PPP1R12B: variants seen among roughly 807,000 people sequenced by gnomAD.
The protein encoded by PPP1R12B is protein phosphatase 1 regulatory subunit 12B, also known as myosin phosphatase target subunit 2.
PPP1R12B carries 76 observed loss-of-function variants against 126.1 expected under a neutral mutation model. The ratio of observed to expected loss-of-function variants is 0.60; its 90% CI spans 0.50 to 0.73. The LOEUF (loss-of-function observed/expected upper bound fraction) is 0.73, where lower values mean the gene tolerates loss of function less well. Among genes scored for constraint, PPP1R12B ranks in the 30% least tolerant of loss-of-function variants. The pLI is 0.00. For missense variants in PPP1R12B, 1,052 were observed against 1,205.1 expected (o/e 0.87, Z 1.88); for synonymous variants, 356 against 434.7 (o/e 0.82, Z 2.25).
intron 18 of PPP1R12B, among the ~76,000 whole-genome samples, chr1:202,525,573 G>A (rs1683230774): frequency 6.6e-6 from 1 of 150,428 alleles, no homozygotes; most frequent in African/African-American, 2.4e-5. Context: ...ATTGAGAAGA[G>A]AGGAATTGAA....
chr1:202,478,538 A>C (rs989150778), intron 13 of PPP1R12B, among the ~76,000 whole-genome samples: 1 of 151,684 alleles, frequency 6.6e-6, no homozygotes, highest in African/African-American at 2.4e-5. Flanking sequence ...AAATAGTAAA[A>C]CTCTCATATA....
rs1686051320 is a variant in PPP1R12B, at chr1:202,549,287, C to A, written c.2491-9590C>A. Among the ~76,000 whole-genome samples the A allele has an allele frequency of 5.9e-5, 9 of 152,170 alleles. No homozygotes were observed. In the South Asian group the frequency reaches 1.9e-3, roughly 31 times the overall value. ...TTCAGACTTCAAGCTGATGTATCCA[C>A]TAAGCTTGTTCCTTCCATTATCACC... On this transcript the variant is annotated intron_variant, in intron 18 of 23. Coordinates refer to ENST00000608999, the MANE Select transcript of PPP1R12B (RefSeq NM_002481.4).
rs1245368017 is a variant in PPP1R12B, at chr1:202,583,563, CCA to C, written c.*3004_*3005del. 6.6e-6 allele frequency: 1 copy of C among 152,188 alleles called. No homozygotes were observed. Among genetic ancestry groups the C allele is most frequent in the Non-Finnish European group, 1.5e-5 (1 of 68,032 alleles). The allele number at this position is 152,188 out of a possible 1,614,324, so 9.4% of individuals were successfully genotyped here. ...TTATTAACTGATTTCTGGTCTATCT[CCA>C]GAGATAAAATACCATTCCTTCACAA... On this transcript the variant is annotated 3_prime_UTR_variant, in exon 24 of 24. Coordinates refer to ENST00000608999, the MANE Select transcript of PPP1R12B (RefSeq NM_002481.4).
chr1:202,492,575 T>C (rs1048119365), intron 14 of PPP1R12B, among the ~76,000 whole-genome samples: 1 of 152,220 alleles, frequency 6.6e-6, no homozygotes, highest in Non-Finnish European at 1.5e-5. Flanking sequence ...TGTTGGAATA[T>C]CCCTATATGA....
chr1:202,540,220 C>T (rs1684971268), intron 18 of PPP1R12B: 1 of 1,608,452 alleles, frequency 6.2e-7, no homozygotes, highest in Non-Finnish European at 8.5e-7. Flanking sequence ...CATCTCCCTC[C>T]CCGACTGCCA....
rs1221983722 is a variant in PPP1R12B, at chr1:202,587,697, T to C, written c.*7137T>C. ...GAGTTGAGAGTCGGAGTGCCAGTCGTCGGGGCCCACTATTCCTGAATAAGG... is the reference window on the plus strand; with the variant it reads ...GAGTTGAGAGTCGGAGTGCCAGTCGCCGGGGCCCACTATTCCTGAATAAGG... On this transcript the variant is annotated 3_prime_UTR_variant, in exon 24 of 24. Transcript: ENST00000608999. 2 of 152,090 alleles carry C rather than the reference T, an allele frequency of 1.3e-5. No homozygotes were observed. The allele number at this position is 152,090 out of a possible 1,614,324, so 9.4% of individuals were successfully genotyped here.
At chr1:202,480,300 A>G (rs1240007189) in intron 13 of PPP1R12B, among the ~76,000 whole-genome samples, 1 of 152,228 alleles carries the variant, frequency 6.6e-6, no homozygotes, top group Non-Finnish European at 1.5e-5. Flanking sequence ...GAAAGATTGG[A>G]CAGTAGAAAA....
At chr1:202,552,108 G>A (rs1284899062) in intron 18 of PPP1R12B, among the ~76,000 whole-genome samples, 1 of 152,182 alleles carries the variant, frequency 6.6e-6, no homozygotes, top group Non-Finnish European at 1.5e-5. Context: ...GGCAGCAATA[G>A]AAAACTAATG....
At chr1:202,520,966 C>T (rs1191477467) in intron 18 of PPP1R12B, among the ~76,000 whole-genome samples, 1 of 152,076 alleles carries the variant, frequency 6.6e-6, no homozygotes, top group Non-Finnish European at 1.5e-5. Context: ...ATGATCCTGT[C>T]TGTGCATGAA....
chr1:202,460,968 A>G lies in PPP1R12B; in HGVS notation c.1850+11797A>G, dbSNP rs188984343. Among the ~76,000 whole-genome samples the G allele has an allele frequency of 1.4e-3, 208 of 152,294 alleles. 1 individual carries two copies. Among genetic ancestry groups the G allele is most frequent in the Non-Finnish European group, 2.4e-3 (161 of 68,026 alleles). ...TTTCAGAATATGTCTCTTTGAAATA[A>G]TAGTGATGATATGTTGCTGCCTGAG... On this transcript the variant is annotated intron_variant, in intron 13 of 23. Transcript: ENST00000608999.
rs56752885 is a variant in PPP1R12B, at chr1:202,555,325, GAAAAAAAAAA to G, written c.2491-3533_2491-3524del. Among the ~76,000 whole-genome samples the G allele has an allele frequency of 4.2e-3, 106 of 25,366 alleles. 2 individuals are homozygous for G. The highest frequency in any genetic ancestry group is 5.4e-3 in the Non-Finnish European group (82 of 15,306). 16.6% of individuals were successfully genotyped at this position (25,366 alleles called of 152,430 possible). ...AAAACCCTAATTTTCCTGTTTTAAT[GAAAAAAAAAA>G]AAAAAAAAAAAAAAAAAAGCTTGTT... On this transcript the variant is annotated intron_variant, in intron 18 of 23. Coordinates refer to ENST00000608999, the MANE Select transcript of PPP1R12B (RefSeq NM_002481.4).
intron 13 of PPP1R12B, among the ~76,000 whole-genome samples, chr1:202,452,500 G>A (rs1361689865): frequency 6.6e-6 from 1 of 152,112 alleles, no homozygotes; most frequent in Non-Finnish European, 1.5e-5. Flanking sequence ...GATGGCAGCA[G>A]TACAGTCCAG....
At chr1:202,569,038 C>A in intron 22 of PPP1R12B, 109 bp from the exon 23 acceptor site, 1 of 1,231,902 alleles carries the variant, frequency 8.1e-7, no homozygotes, top group Non-Finnish European at 1.2e-6. Flanking sequence ...CCTGAGTCAG[C>A]AGACAAACCT....
chr1:202,421,396 G>A (rs550823006), intron 2 of PPP1R12B, among the ~76,000 whole-genome samples: 2 of 151,378 alleles, frequency 1.3e-5, no homozygotes, highest in South Asian at 4.2e-4. Flanking sequence ...CAGCACTTTG[G>A]GAGGCCGAGG....
At chr1:202,420,428 GGA>G (rs1260406587) in intron 2 of PPP1R12B, among the ~76,000 whole-genome samples, 1 of 152,214 alleles carries the variant, frequency 6.6e-6, no homozygotes, top group Non-Finnish European at 1.5e-5. Flanking sequence ...AAAATAGAAG[GGA>G]GAGTGTTCCA....
At position 202,523,287 on chromosome 1, in the gene PPP1R12B, T is replaced by C. The variant is rs565645405; in HGVS notation, c.2490+26465T>C. 4.6e-5 allele frequency among the ~76,000 whole-genome samples: 7 copies of C among 152,176 alleles called. No individual in the cohort carries two copies. In the East Asian group the frequency reaches 1.2e-3, roughly 25 times the overall value. ...ACAATAAACAACAAACATAATAAAG[T>C]ATGTGTTAGACACTGATGCAATTTG... On this transcript the variant is annotated intron_variant, in intron 18 of 23. Transcript: ENST00000608999.
Position 202,434,688 on chromosome 1 carries a change from A to G in PPP1R12B, c.1174A>G (p.Asn392Asp). Residue 392 changes from asparagine (N) to aspartate (D), a missense_variant, in exon 9 of 24, where the codon AAC becomes GAC. Asn to Asp is a conservative substitution (Grantham distance 23). Transcript: ENST00000608999. ...GCCAGAAGCCTTTGTCAATCATTCC[A>G]ACTCTGAAAGCAAGAGTAGTATCAC... The part of the protein sequence containing the change: ...KKPEAFVNHS[N>D]SESKSSITEQ... 1 of 1,613,542 alleles carries G rather than the reference A, an allele frequency of 6.2e-7. No individual in the cohort carries two copies.
intron 4 of PPP1R12B, among the ~76,000 whole-genome samples, chr1:202,426,483 A>G (rs1669522351): frequency 6.6e-6 from 1 of 152,214 alleles, no homozygotes; most frequent in Admixed American, 6.5e-5. Flanking sequence ...TAGTTAGCAA[A>G]AAATTGGAGA....
In PPP1R12B at chr1:202,558,297, CT is replaced by C. The variant is rs753434842; in HGVS notation, c.2491-567del. 6.2e-3 allele frequency among the ~76,000 whole-genome samples: 909 copies of C among 145,544 alleles called. 11 individuals carry two copies. Among genetic ancestry groups the C allele is most frequent in the Non-Finnish European group, 8.2e-3 (539 of 65,904 alleles). ...TTCTTTTGAGACCTCAGAGTACCTA[CT>C]TTTTTTTTTTTTCTAACCAGCATCC... On this transcript the variant is annotated intron_variant, in intron 18 of 23. Coordinates refer to ENST00000608999, the MANE Select transcript of PPP1R12B (RefSeq NM_002481.4).
Sources: gnomAD v4.1 joint callset for allele counts (sites outside exome capture counted in the v4.1 genomes callset) on GRCh38, gnomAD v4.1.1 for gene constraint, MANE v1.5 for transcripts, NCBI Gene and HGNC (gene_info 2026-07-23, HGNC 2026-07-21) for gene names.